The following SLC9C1 variants were observed in gnomAD, a reference collection of about 807,000 sequenced individuals.
SLC9C1 encodes the protein solute carrier family 9 member C1, also known as sodium/hydrogen exchanger 10.
Under a neutral mutation model 140.9 loss-of-function variants are expected in SLC9C1, and 97 were observed. That is an observed-to-expected ratio of 0.69 (90% CI 0.58 to 0.82). The LOEUF is 0.82. SLC9C1 is among the 40% of genes least tolerant of loss of function. The pLI is 0.00. For missense variants in SLC9C1, 1,340 were observed against 1,389.3 expected (o/e 0.96, Z 0.56); for synonymous variants, 440 against 442.6 (o/e 0.99, Z 0.07).
chr3:112,280,881 G>C, intron 2 of SLC9C1, 98 bp from the exon 3 acceptor site: 2 of 742,132 alleles, frequency 2.7e-6, no homozygotes, highest in Non-Finnish European at 2.1e-6. Context: ...ATGTCTTACA[G>C]TTTCACTACT....
Position 112,286,897 on chromosome 3 carries a change from G to T in SLC9C1, c.-87-19C>A. On this transcript the variant is annotated intron_variant, in intron 1 of 28. Coordinates refer to ENST00000305815, the MANE Select transcript of SLC9C1 (RefSeq NM_183061.3). The stretch of plus-strand genomic sequence containing the variant: ...TCTGAATCTAAGAAACATAAGATTT[G>T]CCTTCTTGGTGGCCTTCTAATAATT... The T allele has an allele frequency of 1.6e-6, 1 of 634,692 alleles. No individual in the cohort carries two copies. The highest frequency in any genetic ancestry group is 2.4e-6 in the Non-Finnish European group (1 of 410,958). The allele number at this position is 634,692 out of a possible 1,614,324, so 39.3% of individuals were successfully genotyped here.
chr3:112,147,781 C>A (rs2074847811), intron 28 of SLC9C1, among the ~76,000 whole-genome samples: 1 of 152,088 alleles, frequency 6.6e-6, no homozygotes, highest in Non-Finnish European at 1.5e-5. Flanking sequence ...TGTATATTGT[C>A]TCTAGGTTTT....
intron 20 of SLC9C1, among the ~76,000 whole-genome samples, chr3:112,196,096 T>C (rs1472994055): frequency 6.6e-6 from 1 of 152,120 alleles, no homozygotes; most frequent in East Asian, 1.9e-4. Context: ...GGTAACAAAC[T>C]CCCTAAACTT....
At chr3:112,151,687 T>C (rs890401764) in intron 28 of SLC9C1, among the ~76,000 whole-genome samples, 170 bp downstream of exon 28, 2 of 152,252 alleles carry the variant, frequency 1.3e-5, no homozygotes, top group African/African-American at 4.8e-5. Flanking sequence ...TATTTTGAAG[T>C]TAATTCTCTA....
At chr3:112,210,544 CAAAATGGGGAATGA>C (rs2078173989) in intron 15 of SLC9C1, among the ~76,000 whole-genome samples, 1 of 152,114 alleles carries the variant, frequency 6.6e-6, no homozygotes, top group South Asian at 2.1e-4. Context: ...GGCAAAAAGG[CAAAATGGGGAATGA>C]CTGCTTAATG....
intron 12 of SLC9C1, among the ~76,000 whole-genome samples, chr3:112,233,469 T>G (rs1337743070): frequency 6.6e-6 from 1 of 152,126 alleles, no homozygotes. Context: ...TTTTCAAATT[T>G]TTGGTATTTC....
At chr3:112,242,258 C>A (rs895808246) in intron 11 of SLC9C1, among the ~76,000 whole-genome samples, 1 of 152,152 alleles carries the variant, frequency 6.6e-6, no homozygotes, top group African/African-American at 2.4e-5. Context: ...AAAAAACAAT[C>A]CCATTTAAAA....
intron 5 of SLC9C1, among the ~76,000 whole-genome samples, chr3:112,277,400 A>G (rs1194550921): frequency 6.6e-6 from 1 of 152,198 alleles, no homozygotes; most frequent in Non-Finnish European, 1.5e-5. Flanking sequence ...GTAACGTCCC[A>G]GAACTGTTCT....
intron 13 of SLC9C1, among the ~76,000 whole-genome samples, chr3:112,229,342 A>G (rs1165912677): frequency 1.3e-5 from 2 of 152,088 alleles, no homozygotes; most frequent in Non-Finnish European, 2.9e-5. Context: ...AACATTCTCA[A>G]CCGAAAGAAA....
At chr3:112,241,419 C>T (rs961385189) in intron 11 of SLC9C1, among the ~76,000 whole-genome samples, 1 of 152,036 alleles carries the variant, frequency 6.6e-6, no homozygotes, top group Non-Finnish European at 1.5e-5. Context: ...ACAAGGCGAA[C>T]TATAAAACAC....
chr3:112,186,198 A>T (rs2077536547), intron 20 of SLC9C1, among the ~76,000 whole-genome samples: 1 of 152,030 alleles, frequency 6.6e-6, no homozygotes, highest in African/African-American at 2.4e-5. Flanking sequence ...AGTTCTCTTA[A>T]TTTTTTAATG....
At chr3:112,178,925 C>T (rs2077389132) in intron 23 of SLC9C1, among the ~76,000 whole-genome samples, 1 of 152,082 alleles carries the variant, frequency 6.6e-6, no homozygotes. Flanking sequence ...AGAAGAAAGG[C>T]AAGATAAATG....
At chr3:112,227,321 C>T (rs1285164244) in intron 13 of SLC9C1, among the ~76,000 whole-genome samples, 2 of 152,114 alleles carry the variant, frequency 1.3e-5, no homozygotes, top group Non-Finnish European at 2.9e-5. Flanking sequence ...CCCTCATGAA[C>T]ACAGATGCAA....
intron 1 of SLC9C1, among the ~76,000 whole-genome samples, chr3:112,291,815 T>C (rs1012277778): frequency 6.6e-6 from 1 of 152,200 alleles, no homozygotes; most frequent in Non-Finnish European, 1.5e-5. Flanking sequence ...GACATATGCA[T>C]GCGTACATTC....
intron 2 of SLC9C1, among the ~76,000 whole-genome samples, chr3:112,284,316 C>T (rs929327742): frequency 2.0e-5 from 3 of 152,180 alleles, no homozygotes; most frequent in Non-Finnish European, 1.5e-5. Flanking sequence ...TAATCAAAAA[C>T]AAATCCCAAT....
At chr3:112,275,775 G>T (rs536547644) in intron 5 of SLC9C1, among the ~76,000 whole-genome samples, 5 of 152,114 alleles carry the variant, frequency 3.3e-5, no homozygotes, top group Admixed American at 3.3e-4. Context: ...AAACACCAAG[G>T]CTGTTCCTGT....
intron 10 of SLC9C1, among the ~76,000 whole-genome samples, chr3:112,248,658 C>G (rs2079361517): frequency 6.6e-6 from 1 of 152,038 alleles, no homozygotes; most frequent in Non-Finnish European, 1.5e-5. Context: ...TTTTTTCTCC[C>G]TATTGCCTGA....
chr3:112,198,869 A>T (rs1211414725), intron 20 of SLC9C1, among the ~76,000 whole-genome samples: 2 of 151,984 alleles, frequency 1.3e-5, no homozygotes, highest in Non-Finnish European at 2.9e-5. Flanking sequence ...GTACTTACAG[A>T]ATGAATTGGG....
In SLC9C1 at chr3:112,155,016, T is replaced by C; in HGVS notation, c.3398A>G (p.Glu1133Gly). The change falls in exon 27 of 29, where the codon GAA becomes GGA. Residue 1133 changes from glutamate to glycine, a missense_variant. Transcript: ENST00000305815. ...SVGTLEEGIQ[E>G]ERNVKEDGAH... ...ATTTACCTCCTTAACATTTCTTTCTTCTTGAATGCCTTCTTCCAATGTTCC... is the reference window on the plus strand; with the variant it reads ...ATTTACCTCCTTAACATTTCTTTCTCCTTGAATGCCTTCTTCCAATGTTCC... 1.9e-6 allele frequency: 3 copies of C among 1,610,528 alleles called. No homozygotes were observed. Among genetic ancestry groups the C allele is most frequent in the Non-Finnish European group, 2.5e-6 (3 of 1,179,274 alleles).
Sources: gnomAD v4.1 joint callset for allele counts (sites outside exome capture counted in the v4.1 genomes callset) on GRCh38, gnomAD v4.1.1 for gene constraint, MANE v1.5 for transcripts, NCBI Gene and HGNC (gene_info 2026-07-23, HGNC 2026-07-21) for gene names.